NCKAP5: variants seen among roughly 807,000 people sequenced by gnomAD.
The protein encoded by NCKAP5 is NCK associated protein 5.
In NCKAP5, 92 loss-of-function variants were observed where a neutral mutation model predicts 167.0. That is an observed-to-expected ratio of 0.55 (90% CI 0.47 to 0.66). The LOEUF (loss-of-function observed/expected upper bound fraction) is 0.66, where lower values mean the gene tolerates loss of function less well. Among genes scored for constraint, NCKAP5 ranks in the 30% least tolerant of loss-of-function variants. The pLI is 0.00. For synonymous variants in NCKAP5, 891 were observed against 877.4 expected (o/e 1.02, Z -0.27); for missense variants, 2,378 against 2,315.0 (o/e 1.03, Z -0.56).
intron 6 of NCKAP5, among the ~76,000 whole-genome samples, chr2:133,119,240 G>C (rs961779781): frequency 6.6e-6 from 1 of 152,270 alleles, no homozygotes; most frequent in Non-Finnish European, 1.5e-5. Flanking sequence ...CTGACCTCAG[G>C]TAATCCACTT....
intron 3 of NCKAP5, among the ~76,000 whole-genome samples, chr2:133,397,022 G>C (rs916817185): frequency 1.3e-5 from 2 of 152,204 alleles, no homozygotes; most frequent in Non-Finnish European, 1.5e-5. Context: ...TGTAAGGACA[G>C]ACCTTTGCAC....
intron 11 of NCKAP5, among the ~76,000 whole-genome samples, chr2:132,826,417 A>C: frequency 6.6e-6 from 1 of 152,154 alleles, no homozygotes; most frequent in East Asian, 1.9e-4. Flanking sequence ...TTGTTTATGC[A>C]TATTGTACTC....
intron 3 of NCKAP5, among the ~76,000 whole-genome samples, chr2:133,442,048 C>T (rs1690893000): frequency 1.3e-5 from 2 of 152,208 alleles, no homozygotes; most frequent in African/African-American, 4.8e-5. Flanking sequence ...TGGAGAAACA[C>T]GGACAGAGTG....
intron 6 of NCKAP5, chr2:133,122,819 G>C (rs1475111993): frequency 6.6e-6 from 1 of 152,124 alleles, no homozygotes; most frequent in Non-Finnish European, 1.5e-5. Flanking sequence ...AGAAGGCCTG[G>C]TTACAAATGT....
intron 8 of NCKAP5, among the ~76,000 whole-genome samples, chr2:132,927,460 A>C (rs1034855951): frequency 6.6e-6 from 1 of 152,064 alleles, no homozygotes; most frequent in African/African-American, 2.4e-5. Context: ...TAGGCAGTAT[A>C]GTCATTTTAA....
At chr2:133,546,743 C>G (rs978681319) in intron 2 of NCKAP5, among the ~76,000 whole-genome samples, 1 of 152,186 alleles carries the variant, frequency 6.6e-6, no homozygotes, top group African/African-American at 2.4e-5. Flanking sequence ...TATGAAAACT[C>G]TGAGAGACAT....
intron 3 of NCKAP5, among the ~76,000 whole-genome samples, chr2:133,476,730 C>T (rs1345149130): frequency 6.6e-6 from 1 of 152,186 alleles, no homozygotes; most frequent in Admixed American, 6.5e-5. Flanking sequence ...TCTCCTTCCC[C>T]CTTTCTCGTG....
intron 3 of NCKAP5, among the ~76,000 whole-genome samples, chr2:133,386,291 T>C (rs1686960149): frequency 6.6e-6 from 1 of 152,252 alleles, no homozygotes; most frequent in Non-Finnish European, 1.5e-5. Context: ...ATTTCTGCCT[T>C]CATTTCATTA....
intron 5 of NCKAP5, among the ~76,000 whole-genome samples, chr2:133,159,383 A>G (rs2083698361): frequency 6.6e-6 from 1 of 152,250 alleles, no homozygotes; most frequent in South Asian, 2.1e-4. Context: ...ACTTGATTTC[A>G]GCCTTGGGAG....
At chr2:133,103,195 T>C (rs919737246) in intron 6 of NCKAP5, among the ~76,000 whole-genome samples, 1 of 152,228 alleles carries the variant, frequency 6.6e-6, no homozygotes, top group African/African-American at 2.4e-5. Context: ...GTATAAGTTA[T>C]CTTCATCTTC....
intron 3 of NCKAP5, among the ~76,000 whole-genome samples, chr2:133,422,913 C>T (rs1056177403): frequency 6.6e-6 from 1 of 152,084 alleles, no homozygotes; most frequent in African/African-American, 2.4e-5. Flanking sequence ...CACCAGAGAA[C>T]AAAGACCCCC....
chr2:133,313,114 C>T (rs1361806741), intron 3 of NCKAP5, among the ~76,000 whole-genome samples: 1 of 152,142 alleles, frequency 6.6e-6, no homozygotes, highest in East Asian at 1.9e-4. Context: ...GCTAACTGCC[C>T]TCAGAGTGGA....
At chr2:133,130,535 T>C (rs531727798) in intron 5 of NCKAP5, among the ~76,000 whole-genome samples, 1 of 152,352 alleles carries the variant, frequency 6.6e-6, no homozygotes, top group Non-Finnish European at 1.5e-5. Flanking sequence ...TTACTACTTT[T>C]ATAGAAGGAC....
chr2:133,627,827 G>T, the NCKAP5 span, among the ~76,000 whole-genome samples: 3 of 152,192 alleles, frequency 2.0e-5, no homozygotes, highest in African/African-American at 7.2e-5. Context: ...ATTCCTCCCT[G>T]TCTACAGGCC....
chr2:132,898,057 T>C (rs1489966611), intron 8 of NCKAP5, among the ~76,000 whole-genome samples: 1 of 152,238 alleles, frequency 6.6e-6, no homozygotes, highest in Non-Finnish European at 1.5e-5. Context: ...GATAGCATTT[T>C]ACCTACAGTG....
intron 3 of NCKAP5, among the ~76,000 whole-genome samples, chr2:133,472,735 C>A (rs1468662993): frequency 6.6e-6 from 1 of 152,162 alleles, no homozygotes; most frequent in African/African-American, 2.4e-5. Context: ...CTAGAAGCTG[C>A]TCTACCTTCT....
intron 3 of NCKAP5, among the ~76,000 whole-genome samples, chr2:133,314,804 G>A (rs1681484393): frequency 6.6e-6 from 1 of 152,160 alleles, no homozygotes; most frequent in Admixed American, 6.5e-5. Context: ...TGAAGTAGAG[G>A]GGTGGCATCA....
chr2:132,960,511 T>G (rs1019368490), intron 8 of NCKAP5, among the ~76,000 whole-genome samples: 1 of 152,130 alleles, frequency 6.6e-6, no homozygotes, highest in African/African-American at 2.4e-5. Flanking sequence ...CATGACCCCA[T>G]ATCCTTCCTA....
the NCKAP5 span, among the ~76,000 whole-genome samples, chr2:133,647,452 C>CGAAA: frequency 3.8e-3 from 182 of 47,414 alleles, 8 homozygotes; most frequent in African/African-American, 0.019. Flanking sequence ...AAAGAAAGAA[C>CGAAA]GAAAGAAAGA....
Sources: allele counts gnomAD v4.1 joint callset (sites outside exome capture counted in the v4.1 genomes callset), GRCh38; gene constraint gnomAD v4.1.1; transcripts MANE v1.5; gene names NCBI Gene and HGNC (gene_info 2026-07-23, HGNC 2026-07-21).